DYNC2LI1: variants seen among roughly 807,000 people sequenced by gnomAD.
DYNC2LI1 encodes the protein cytoplasmic dynein 2 light intermediate chain 1.
In DYNC2LI1, 45 loss-of-function variants were observed where a neutral mutation model predicts 51.9. The observed-to-expected ratio is 0.87, with a 90% CI of 0.68 to 1.11. DYNC2LI1 has a LOEUF of 1.11. Ranked by LOEUF, DYNC2LI1 falls within the 50% of genes most tolerant of loss-of-function variation. The probability of loss-of-function intolerance (pLI) is 0.00; values close to 1 mark genes in which losing one functional copy is unlikely to be tolerated. For missense variants in DYNC2LI1, 490 were observed against 417.4 expected (o/e 1.17, Z -1.51); for synonymous variants, 130 against 137.8 (o/e 0.94, Z 0.40).
At chr2:43,826,270 A>T in the DYNC2LI1 span, 1 of 1,524,480 alleles carries the variant, frequency 6.6e-7, no homozygotes, top group Non-Finnish European at 9.0e-7. Context: ...AAAGTGCTGG[A>T]ATTACAAGTG....
chr2:43,779,778 A>G (rs1302608217), intron 2 of DYNC2LI1, among the ~76,000 whole-genome samples: 1 of 152,268 alleles, frequency 6.6e-6, no homozygotes, highest in Non-Finnish European at 1.5e-5. Context: ...GAGAAAGATC[A>G]TACTAGAGGA....
intron 2 of DYNC2LI1, among the ~76,000 whole-genome samples, chr2:43,779,446 T>C (rs1046707651): frequency 6.6e-6 from 1 of 152,206 alleles, no homozygotes; most frequent in African/African-American, 2.4e-5. Context: ...TCGGTTGACA[T>C]TGATCGAACA....
At chr2:43,817,011 G>T in the DYNC2LI1 span, among the ~76,000 whole-genome samples, 1 of 152,192 alleles carries the variant, frequency 6.6e-6, no homozygotes, top group African/African-American at 2.4e-5. Flanking sequence ...AGTTCACCCA[G>T]AAAGATGATG....
chr2:43,828,212 C>G, the DYNC2LI1 span: 1 of 1,557,886 alleles, frequency 6.4e-7, no homozygotes. Context: ...GCACACCGCC[C>G]AAGAATCCAA....
rs756137309 is a variant in DYNC2LI1 at position 43,794,560 on chromosome 2, A to G, written c.424A>G (p.Ile142Val). The G allele has an allele frequency of 1.2e-6, 2 of 1,614,156 alleles. No individual in the cohort carries two copies. The highest frequency in any genetic ancestry group is 8.5e-7 in the Non-Finnish European group (1 of 1,180,026). ...QATKSHVDKV[I>V]MKLGKTNAKA... ...CACAAAAAGCCATGTAGACAAAGTG[A>G]TAATGAAACTGGGAAAGACAAATGC... The change falls in exon 6 of 13, where the codon ATA becomes GTA. Residue 142 changes from isoleucine (I) to valine (V), a missense_variant. By Grantham distance (29) the Ile-to-Val change is conservative. Transcript: ENST00000260605.
chr2:43,794,872 A>G (rs1558685147), intron 6 of DYNC2LI1: 2 of 1,412,732 alleles, frequency 1.4e-6, no homozygotes, highest in Non-Finnish European at 1.8e-6. Flanking sequence ...TTGTTATGGC[A>G]TATTACACCA....
At chr2:43,796,569 C>T in intron 7 of DYNC2LI1, 149 bp from the exon 8 acceptor site, 1 of 615,828 alleles carries the variant, frequency 1.6e-6, no homozygotes, top group South Asian at 2.2e-5. Context: ...GTTCAACTCT[C>T]TATGAAATAA....
chr2:43,812,736 A>G (rs2278356), downstream of DYNC2LI1: 1 of 197,658 alleles, frequency 5.1e-6, no homozygotes, highest in African/African-American at 2.4e-5. Flanking sequence ...TCCTTGAAAC[A>G]TTTTATTTTT....
At chr2:43,826,304 G>T in the DYNC2LI1 span, 1 of 1,605,094 alleles carries the variant, frequency 6.2e-7, no homozygotes, top group Non-Finnish European at 8.5e-7. Flanking sequence ...CTGGCCACTG[G>T]TACAAATCTT....
At chr2:43,814,721 C>T (rs1666706397), downstream of DYNC2LI1, 1 of 599,156 alleles carries the variant, frequency 1.7e-6, no homozygotes, top group Non-Finnish European at 2.9e-6. Flanking sequence ...AAATGATGCT[C>T]ACTATAAAAA....
At chr2:43,802,729 G>A (rs1359541503) in intron 10 of DYNC2LI1, among the ~76,000 whole-genome samples, 1 of 152,138 alleles carries the variant, frequency 6.6e-6, no homozygotes, top group Non-Finnish European at 1.5e-5. Context: ...AAGCCCATGT[G>A]AAGATGAATA....
Position 43,794,548 on chromosome 2 carries a change from G to C in DYNC2LI1, c.412G>C (p.Val138Leu), listed in dbSNP as rs1275713762. 1 of 1,613,978 alleles carries C rather than the reference G, an allele frequency of 6.2e-7. No individual in the cohort carries two copies. Among genetic ancestry groups the C allele is most frequent in the Non-Finnish European group, 8.5e-7 (1 of 1,180,012 alleles). Residue 138 changes from valine (V) to leucine (L), a missense_variant, in exon 6 of 13, where the codon GTA (valine) becomes CTA (leucine). Physicochemically the swap from Val to Leu is conservative, Grantham distance 32. Transcript: ENST00000260605. ...ENLLQATKSHVDKVIMKLGKT... is the reference protein window; with the variant it reads ...ENLLQATKSHLDKVIMKLGKT... ...TCTCTTGCAAGCCACAAAAAGCCAT[G>C]TAGACAAAGTGATAATGAAACTGGG...
At chr2:43,822,449 C>T in the DYNC2LI1 span, 2 of 911,294 alleles carry the variant, frequency 2.2e-6, no homozygotes, top group East Asian at 1.2e-4. Context: ...TAAGGTTTTA[C>T]ATTCAGGCTG....
At chr2:43,779,019 G>T (rs1197971820) in intron 2 of DYNC2LI1, among the ~76,000 whole-genome samples, 1 of 152,132 alleles carries the variant, frequency 6.6e-6, no homozygotes, top group African/African-American at 2.4e-5. Context: ...ACTTTGGGAG[G>T]CTGAGGCAGA....
chr2:43,814,620 A>T, downstream of DYNC2LI1: 1 of 1,335,042 alleles, frequency 7.5e-7, no homozygotes, highest in Non-Finnish European at 1.1e-6. Context: ...AATGAAATTC[A>T]GTAGGCTCTG....
the DYNC2LI1 span, among the ~76,000 whole-genome samples, chr2:43,818,199 C>T: frequency 1.2e-4 from 19 of 152,168 alleles, no homozygotes; most frequent in African/African-American, 4.6e-4. Context: ...CACCTGTAAT[C>T]CTAGCACTTT....
the DYNC2LI1 span, among the ~76,000 whole-genome samples, chr2:43,816,467 CAGAA>C: frequency 7.2e-5 from 11 of 152,302 alleles, no homozygotes; most frequent in South Asian, 1.7e-3. Context: ...AAGGCACAGA[CAGAA>C]GGAGAAGCAG....
intron 3 of DYNC2LI1, among the ~76,000 whole-genome samples, chr2:43,785,764 T>C (rs985700371): frequency 4.0e-5 from 6 of 151,826 alleles, no homozygotes; most frequent in African/African-American, 1.2e-4. Context: ...ATGAGATATC[T>C]AAAATAATCA....
At chr2:43,791,246 G>C (rs1673769794) in intron 5 of DYNC2LI1, among the ~76,000 whole-genome samples, 1 of 152,032 alleles carries the variant, frequency 6.6e-6, no homozygotes. Context: ...GAGAGAGATA[G>C]GGTGGGAGGA....
Sources: gnomAD v4.1 joint callset for allele counts (sites outside exome capture counted in the v4.1 genomes callset) on GRCh38, gnomAD v4.1.1 for gene constraint, MANE v1.5 for transcripts, NCBI Gene and HGNC (gene_info 2026-07-23, HGNC 2026-07-21) for gene names.